PCDH15: variants seen among roughly 807,000 people sequenced by gnomAD.
The protein encoded by PCDH15 is protocadherin-15.
Under a neutral mutation model 178.5 loss-of-function variants are expected in PCDH15, and 129 were observed. The observed-to-expected ratio is 0.72, with a 90% CI of 0.63 to 0.84. The LOEUF (loss-of-function observed/expected upper bound fraction) is 0.84, where lower values mean the gene tolerates loss of function less well. Ranked by LOEUF, PCDH15 falls within the 40% of genes least tolerant of loss-of-function variation. The pLI, the probability that PCDH15 is intolerant of heterozygous loss-of-function variation, is 0.00. For synonymous variants in PCDH15, 800 were observed against 732.0 expected, an observed-to-expected ratio of 1.09 and a Z score of -1.50; for missense variants, 2,230 against 2,099.9, an observed-to-expected ratio of 1.06 and a Z score of -1.21.
intron 1 of PCDH15, among the ~76,000 whole-genome samples, chr10:54,790,943 A>G (rs1186821176): frequency 6.6e-6 from 1 of 151,940 alleles, no homozygotes; most frequent in Middle Eastern, 3.2e-3. Context: ...CAAATGACTT[A>G]GAGGATAAGA....
chr10:54,325,841 G>A (rs780901579), intron 7 of PCDH15, among the ~76,000 whole-genome samples: 3 of 151,984 alleles, frequency 2.0e-5, no homozygotes, highest in Admixed American at 6.6e-5. Flanking sequence ...CCCCGTAGGC[G>A]GAGGTTGCAG....
chr10:54,412,867 A>G (rs1201415511), intron 3 of PCDH15, among the ~76,000 whole-genome samples: 2 of 152,158 alleles, frequency 1.3e-5, no homozygotes, highest in Non-Finnish European at 2.9e-5. Flanking sequence ...GATTAAAGGC[A>G]TGAGCCACCA....
chr10:54,034,250 C>T (rs920906096), intron 18 of PCDH15, among the ~76,000 whole-genome samples: 3 of 151,894 alleles, frequency 2.0e-5, no homozygotes, highest in Non-Finnish European at 2.9e-5. Context: ...TGAATATAAG[C>T]TCACGTTTTT....
intron 14 of PCDH15, among the ~76,000 whole-genome samples, chr10:54,142,840 C>T (rs918815262): frequency 1.3e-5 from 2 of 152,026 alleles, no homozygotes; most frequent in African/African-American, 4.8e-5. Context: ...AATAAGTTGG[C>T]CTCATGCTAT....
intron 2 of PCDH15, among the ~76,000 whole-genome samples, chr10:54,913,406 T>C (rs549336004): frequency 1.1e-4 from 17 of 152,284 alleles, no homozygotes; most frequent in Admixed American, 2.6e-4. Context: ...AGGGCAAGAC[T>C]TGAGTCTTGG....
At chr10:54,528,342 G>A (rs1342911360) in intron 2 of PCDH15, 2 of 1,513,392 alleles carry the variant, frequency 1.3e-6, no homozygotes, top group Non-Finnish European at 9.0e-7. Flanking sequence ...AGACAGACAA[G>A]CAATGCTCAT....
At chr10:54,005,874 C>T (rs1450705837) in intron 20 of PCDH15, among the ~76,000 whole-genome samples, 4 of 151,784 alleles carry the variant, frequency 2.6e-5, no homozygotes, top group Admixed American at 6.6e-5. Context: ...TATTGCAGCA[C>T]TATTTACCAT....
chr10:54,051,974 G>C (rs2135637324), intron 18 of PCDH15, among the ~76,000 whole-genome samples: 1 of 152,348 alleles, frequency 6.6e-6, no homozygotes, highest in Non-Finnish European at 1.5e-5. Flanking sequence ...CTAAGCCTTG[G>C]CCGCTTACAT....
chr10:54,753,894 G>GTTTTTTTTT (rs755751275), intron 1 of PCDH15, among the ~76,000 whole-genome samples: 1 of 85,510 alleles, frequency 1.2e-5, no homozygotes, highest in Non-Finnish European at 2.4e-5. Flanking sequence ...GTTTGTTTGT[G>GTTTTTTTTT]TTTTTTTTTT....
chr10:54,785,919 G>A (rs1950827616), intron 1 of PCDH15, among the ~76,000 whole-genome samples: 1 of 151,892 alleles, frequency 6.6e-6, no homozygotes, highest in Non-Finnish European at 1.5e-5. Context: ...CTGATACGTT[G>A]TTAAAGGTTT....
chr10:54,657,696 C>G (rs1388432636), intron 2 of PCDH15, among the ~76,000 whole-genome samples: 4 of 152,206 alleles, frequency 2.6e-5, no homozygotes, highest in African/African-American at 9.6e-5. Flanking sequence ...CACAGTAATC[C>G]TCTAAAGGAA....
intron 2 of PCDH15, among the ~76,000 whole-genome samples, chr10:54,560,479 A>G (rs1427429175): frequency 6.6e-6 from 1 of 152,080 alleles, no homozygotes; most frequent in Non-Finnish European, 1.5e-5. Flanking sequence ...GAATGCTACA[A>G]GGAGTTTTTT....
chr10:54,195,341 C>T (rs1434459400), intron 11 of PCDH15, among the ~76,000 whole-genome samples: 1 of 152,068 alleles, frequency 6.6e-6, no homozygotes, highest in African/African-American at 2.4e-5. Flanking sequence ...ATTTTTTACT[C>T]ATGTAGTAAC....
intron 8 of PCDH15, among the ~76,000 whole-genome samples, chr10:54,295,554 G>C (rs2059698982): frequency 6.6e-6 from 1 of 152,184 alleles, no homozygotes; most frequent in African/African-American, 2.4e-5. Context: ...CCTGAAGTCA[G>C]TGAGACTACA....
chr10:53,961,061 A>C (rs1195169952), intron 22 of PCDH15, among the ~76,000 whole-genome samples: 3 of 152,212 alleles, frequency 2.0e-5, no homozygotes, highest in Non-Finnish European at 4.4e-5. Context: ...TTTGAAGAAA[A>C]GTAAAATTTG....
chr10:55,081,080 G>A (rs1250805451), intron 2 of PCDH15, among the ~76,000 whole-genome samples: 36 of 152,144 alleles, frequency 2.4e-4, no homozygotes, highest in Admixed American at 2.1e-3. Flanking sequence ...CATGTGCACA[G>A]AGGAGGCTTC....
chr10:54,707,604 C>T (rs903638147), intron 1 of PCDH15, among the ~76,000 whole-genome samples: 2 of 152,082 alleles, frequency 1.3e-5, no homozygotes, highest in East Asian at 1.9e-4. Flanking sequence ...AATACACAGC[C>T]TATCTGACTT....
chr10:55,466,210 C>T (rs1839828327), intron 2 of PCDH15, among the ~76,000 whole-genome samples: 1 of 152,008 alleles, frequency 6.6e-6, no homozygotes, highest in Admixed American at 6.6e-5. Context: ...AAAAATAAGT[C>T]ACATATCAAA....
chr10:55,179,920 C>T (rs1464756701), intron 1 of PCDH15, among the ~76,000 whole-genome samples: 5 of 151,954 alleles, frequency 3.3e-5, no homozygotes, highest in South Asian at 2.1e-4. Context: ...AAGAATCTCT[C>T]AGAAATTCAA....
Sources: allele counts gnomAD v4.1 joint callset (sites outside exome capture counted in the v4.1 genomes callset), GRCh38; gene constraint gnomAD v4.1.1; transcripts MANE v1.5; gene names NCBI Gene and HGNC (gene_info 2026-07-23, HGNC 2026-07-21).